CYB5R2: variants seen among roughly 807,000 people sequenced by gnomAD.
CYB5R2 encodes NADH-cytochrome b5 reductase 2.
CYB5R2 carries 35 observed loss-of-function variants against 29.8 expected under a neutral mutation model. The ratio of observed to expected loss-of-function variants is 1.17; its 90% CI spans 0.90 to 1.56. CYB5R2 has a LOEUF of 1.56. Ranked by LOEUF, CYB5R2 falls within the 40% of genes most tolerant of loss-of-function variation. The pLI is 0.00. For missense variants in CYB5R2, 419 were observed against 346.7 expected, an observed-to-expected ratio of 1.21 and a Z score of -1.66; for synonymous variants, 169 against 130.6, an observed-to-expected ratio of 1.29 and a Z score of -2.01.
At chr11:7,666,001 G>A (rs1855155432) in intron 8 of CYB5R2, 4 of 1,219,536 alleles carry the variant, frequency 3.3e-6, no homozygotes, top group Non-Finnish European at 4.7e-6. Flanking sequence ...GGTGCTCTGT[G>A]CACAGTGGTT....
intron 4 of CYB5R2, 119 bp from the exon 5 acceptor site, chr11:7,669,453 G>C (rs1855584288): frequency 1.5e-6 from 2 of 1,355,978 alleles, no homozygotes; most frequent in Admixed American, 2.2e-5. Context: ...TCTCTGAATT[G>C]TTGTACGCAA....
At chr11:7,672,969 T>C in intron 1 of CYB5R2, 78 bp from the exon 2 acceptor site, 4 of 1,370,458 alleles carry the variant, frequency 2.9e-6, no homozygotes, top group Non-Finnish European at 4.0e-6. Context: ...CAGAACACCC[T>C]CCCCACACCA....
chr11:7,665,842 A>G (rs923418620), intron 8 of CYB5R2: 11 of 1,535,558 alleles, frequency 7.2e-6, no homozygotes, highest in African/African-American at 1.4e-5. Context: ...TGTGTGAATC[A>G]GTACAGCCAG....
chr11:7,669,987 T>G (rs998059714), intron 3 of CYB5R2: 1 of 456,398 alleles, frequency 2.2e-6, no homozygotes, highest in Non-Finnish European at 4.0e-6. Flanking sequence ...GGGGGTGATA[T>G]GTCTGCCCAC....
chr11:7,665,496 G>C lies in CYB5R2; in HGVS notation c.709C>G (p.Leu237Val). The C allele has an allele frequency of 6.2e-7, 1 of 1,613,866 alleles. No individual in the cohort carries two copies. The change falls in exon 9 of 9, where the codon CTT becomes GTT. Residue 237 changes from leucine (L) to valine (V), a missense_variant. By Grantham distance (32) the Leu-to-Val change is conservative (BLOSUM62 1). Coordinates refer to ENST00000299498, the MANE Select transcript of CYB5R2 (RefSeq NM_016229.5). ...AGCGTGGACTTCGCTGGAGGAGGAAGGTGCTCCTTGATCATGTCGGCAGTA... is the reference window on the plus strand; with the variant it reads ...AGCGTGGACTTCGCTGGAGGAGGAACGTGCTCCTTGATCATGTCGGCAGTA... ...FVTADMIKEH[L>V]PPPAKSTLIL... is the part of the protein sequence containing the mutation.
chr11:7,672,673 G>T (rs1202786599), intron 2 of CYB5R2, 75 bp downstream of exon 2: 1 of 1,584,932 alleles, frequency 6.3e-7, no homozygotes, highest in African/African-American at 1.3e-5. Flanking sequence ...GAGGCCATGA[G>T]ATGACTGTCT....
At position 7,667,732 on chromosome 11, in the gene CYB5R2, T is replaced by C; in HGVS notation, c.554A>G (p.Asn185Ser). Residue 185 changes from asparagine (N) to serine (S), a missense_variant, in exon 7 of 9, where the codon AAC (asparagine) becomes AGC (serine). Asn to Ser is a conservative substitution (Grantham distance 46, BLOSUM62 1). Transcript: ENST00000299498. ...GCAAGCTCAGCAGGAACTGACCTGG[T>C]TGGCAAAGATGAGGGACATCCTGGT... ...DRTRMSLIFA[N>S]QTEEDILVRK... 3 of 1,613,834 alleles carry C rather than the reference T, an allele frequency of 1.9e-6. No individual in the cohort carries two copies. The highest frequency in any genetic ancestry group is 1.1e-5 in the South Asian group (1 of 91,056).
intron 6 of CYB5R2, 64 bp from the exon 7 acceptor site, chr11:7,667,877 G>T: frequency 7.5e-7 from 1 of 1,335,362 alleles, no homozygotes; most frequent in Non-Finnish European, 1.1e-6. Flanking sequence ...TCCCTGACCT[G>T]CAGCAAGCTT....
rs779012318 is a variant in CYB5R2, at chr11:7,666,488, C to T, written c.621G>A (p.Gln207=). ...LEEIARTHPD[Q]FNLWYTLDRP... is the part of the protein sequence containing the mutation. ...TGTCCAGGGTGTACCACAGGTTGAA[C>T]TGGTCTGGGTGAGTCCTGGCAATTT... is the stretch of plus-strand genomic sequence containing the variant. The change falls in exon 8 of 9, where the codon CAG becomes CAA. Residue 207 remains glutamine (Q), a synonymous_variant. Transcript: ENST00000299498. 6.0e-5 allele frequency: 96 copies of T among 1,613,400 alleles called. No individual in the cohort carries two copies. Among genetic ancestry groups the T allele is most frequent in the Non-Finnish European group, 7.3e-5 (86 of 1,179,564 alleles).
Position 7,666,513 on chromosome 11 carries a change from T to C in CYB5R2, c.596A>G (p.Glu199Gly). ...EDILVRKELE[E>G]IARTHPDQFN... ...CTGGTCTGGGTGAGTCCTGGCAATT[T>C]CTTCAAGCTCTTTTCTGACCAAGAT... is the stretch of plus-strand genomic sequence containing the variant. Residue 199 changes from glutamate (E) to glycine (G), a missense_variant, in exon 8 of 9, where the codon GAA (glutamate) becomes GGA (glycine). Physicochemically the swap from Glu to Gly is moderately conservative, Grantham distance 98. Transcript: ENST00000299498. 1 of 1,613,592 alleles carries C rather than the reference T, an allele frequency of 6.2e-7. No homozygotes were observed. The highest frequency in any genetic ancestry group is 8.5e-7 in the Non-Finnish European group (1 of 1,179,594).
chr11:7,670,551 A>G (rs1323272072), intron 3 of CYB5R2: 2 of 152,250 alleles, frequency 1.3e-5, no homozygotes, highest in African/African-American at 4.8e-5. Flanking sequence ...TTGGGTACCC[A>G]TGGAGCAAAT....
intron 3 of CYB5R2, chr11:7,671,371 C>G (rs1168004488): frequency 1.3e-5 from 2 of 152,438 alleles, no homozygotes; most frequent in South Asian, 4.1e-4. Context: ...ATATTAGACT[C>G]TCCCAGAGGC....
chr11:7,670,503 G>C (rs1179208514), intron 3 of CYB5R2: 1 of 152,264 alleles, frequency 6.6e-6, no homozygotes, highest in African/African-American at 2.4e-5. Flanking sequence ...TAGGCACAGA[G>C]CAGGCCTGGG....
In CYB5R2 at chr11:7,666,350, G is replaced by T. The variant is rs1197365359; in HGVS notation, c.658+101C>A. The T allele has an allele frequency of 1.1e-5, 8 of 759,198 alleles. No individual in the cohort carries two copies. The East Asian group carries it at 1.7e-4, about 17-fold the overall frequency. The allele number at this position is 759,198 out of a possible 1,614,324, so 47.0% of individuals were successfully genotyped here. On this transcript the variant is annotated intron_variant, in intron 8 of 8. Coordinates refer to ENST00000299498, the MANE Select transcript of CYB5R2 (RefSeq NM_016229.5). Reference sequence around the variant, plus strand: ...GCCCCAGGCTTAACCCCCACATCTGGTCCTACAAAACTAAAACAAAACAAA... The same window carrying T: ...GCCCCAGGCTTAACCCCCACATCTGTTCCTACAAAACTAAAACAAAACAAA...
At chr11:7,669,139 G>A (rs778897640) in intron 5 of CYB5R2, 66 bp downstream of exon 5, 3 of 1,595,280 alleles carry the variant, frequency 1.9e-6, no homozygotes, top group South Asian at 2.2e-5. Context: ...GAGTGTACGA[G>A]AACAATGGAA....
intron 2 of CYB5R2, 26 bp downstream of exon 2, chr11:7,672,708 ATCCACTTACTGCCT>A (rs1260483265): frequency 1.9e-6 from 3 of 1,613,144 alleles, no homozygotes; most frequent in Non-Finnish European, 2.5e-6. Context: ...CCCAGCCATC[ATCCACTTACTGCCT>A]TCCACCCACA....
At chr11:7,671,396 G>T (rs1012138044) in intron 3 of CYB5R2, 5 of 152,258 alleles carry the variant, frequency 3.3e-5, no homozygotes, top group African/African-American at 1.2e-4. Context: ...ACATTACCTT[G>T]TCCCACTAAC....
chr11:7,674,261 G>T, upstream of CYB5R2: 1 of 1,289,040 alleles, frequency 7.8e-7, no homozygotes, highest in Non-Finnish European at 1.0e-6. Context: ...GTCCGGGGCG[G>T]GTGTTTGCGG....
chr11:7,668,426 A>G, intron 6 of CYB5R2, 52 bp downstream of exon 6: 1 of 1,378,662 alleles, frequency 7.3e-7, no homozygotes, highest in Non-Finnish European at 1.0e-6. Context: ...CTCCCAAGTC[A>G]GAATGGGTCT....
Sources: allele counts gnomAD v4.1 joint callset, GRCh38; gene constraint gnomAD v4.1.1; transcripts MANE v1.5; gene names NCBI Gene and HGNC (gene_info 2026-07-23, HGNC 2026-07-21).